Variants in KCTD16 observed in about 807,000 individuals in gnomAD.
The protein encoded by KCTD16 is potassium channel tetramerization domain containing 16.
Under a neutral mutation model 33.2 loss-of-function variants are expected in KCTD16, and 13 were observed. The observed-to-expected ratio is 0.39, with a 90% CI of 0.25 to 0.62. KCTD16 has a LOEUF of 0.62. KCTD16 is among the 20% of genes least tolerant of loss of function. The probability of loss-of-function intolerance (pLI) is 0.50; values close to 1 mark genes in which losing one functional copy is unlikely to be tolerated. For missense variants in KCTD16, 441 were observed against 525.1 expected (o/e 0.84, Z 1.57); for synonymous variants, 197 against 195.3 (o/e 1.01, Z -0.07).
intron 1 of KCTD16, among the ~76,000 whole-genome samples, chr5:144,174,045 C>A (rs909319007): frequency 6.6e-6 from 1 of 152,072 alleles, no homozygotes; most frequent in Non-Finnish European, 1.5e-5. Context: ...AAGCCTCACC[C>A]TAGGTCAAGA....
chr5:144,302,279 T>A (rs1751462531), intron 3 of KCTD16, among the ~76,000 whole-genome samples: 1 of 152,012 alleles, frequency 6.6e-6, no homozygotes, highest in African/African-American at 2.4e-5. Context: ...TCTGGGCAGG[T>A]GTCAGGGAGA....
chr5:144,360,381 G>A (rs1310152688), intron 3 of KCTD16, among the ~76,000 whole-genome samples: 5 of 151,722 alleles, frequency 3.3e-5, no homozygotes, highest in African/African-American at 9.7e-5. Context: ...TTAGTTTGCT[G>A]AGAATGATGG....
intron 3 of KCTD16, among the ~76,000 whole-genome samples, chr5:144,320,270 A>G (rs1156326169): frequency 6.6e-6 from 1 of 152,184 alleles, no homozygotes; most frequent in African/African-American, 2.4e-5. Context: ...GAGGGCTAAA[A>G]AGGAAAAAGG....
At chr5:144,177,619 G>A (rs1330588472) in intron 2 of KCTD16, among the ~76,000 whole-genome samples, 2 of 152,196 alleles carry the variant, frequency 1.3e-5, no homozygotes, top group African/African-American at 2.4e-5. Context: ...CATGGTCTTC[G>A]CATAGTCTTC....
intron 3 of KCTD16, among the ~76,000 whole-genome samples, chr5:144,409,408 T>G (rs983679744): frequency 3.3e-5 from 5 of 152,106 alleles, no homozygotes; most frequent in African/African-American, 1.2e-4. Context: ...ACTGAACCTT[T>G]GACATAATTC....
intron 3 of KCTD16, among the ~76,000 whole-genome samples, chr5:144,243,259 T>C (rs1754452591): frequency 6.6e-6 from 1 of 152,234 alleles, no homozygotes; most frequent in South Asian, 2.1e-4. Flanking sequence ...AGATAGTGGC[T>C]GTCATGTTTC....
At chr5:144,238,208 A>G (rs1020605208) in intron 3 of KCTD16, among the ~76,000 whole-genome samples, 4 of 152,172 alleles carry the variant, frequency 2.6e-5, no homozygotes, top group African/African-American at 9.6e-5. Flanking sequence ...GCAAATATCA[A>G]CATGTTGACT....
chr5:144,373,034 T>C (rs1294757672), intron 3 of KCTD16, among the ~76,000 whole-genome samples: 3 of 152,060 alleles, frequency 2.0e-5, no homozygotes, highest in Non-Finnish European at 1.5e-5. Context: ...TTAAGAAAAA[T>C]TGAAGACAGA....
chr5:144,324,504 G>A (rs1317305232), intron 3 of KCTD16, among the ~76,000 whole-genome samples: 4 of 152,098 alleles, frequency 2.6e-5, no homozygotes, highest in Non-Finnish European at 5.9e-5. Context: ...CAACCATTGT[G>A]GAAGGCAGTG....
chr5:144,385,311 G>T (rs560150295), intron 3 of KCTD16: 106 of 152,200 alleles, frequency 7.0e-4, no homozygotes, highest in African/African-American at 2.5e-3. Flanking sequence ...ACAAATCATT[G>T]ATAATAAAAA....
chr5:144,246,381 G>A (rs1192155859), intron 3 of KCTD16, among the ~76,000 whole-genome samples: 1 of 152,142 alleles, frequency 6.6e-6, no homozygotes, highest in Non-Finnish European at 1.5e-5. Flanking sequence ...ATACAAATAA[G>A]GGAAATCTGG....
intron 3 of KCTD16, among the ~76,000 whole-genome samples, chr5:144,229,000 T>C (rs917361826): frequency 6.6e-6 from 1 of 152,156 alleles, no homozygotes; most frequent in African/African-American, 2.4e-5. Context: ...GTGAATAAAC[T>C]AGGGAAATGT....
At chr5:144,291,533 A>G (rs535549119) in intron 3 of KCTD16, among the ~76,000 whole-genome samples, 1 of 152,326 alleles carries the variant, frequency 6.6e-6, no homozygotes, top group African/African-American at 2.4e-5. Context: ...GACAGGCTGT[A>G]TATCTTTAAT....
intron 3 of KCTD16, among the ~76,000 whole-genome samples, chr5:144,383,883 C>T (rs73795524): frequency 2.0e-5 from 3 of 151,928 alleles, no homozygotes; most frequent in South Asian, 2.1e-4. Context: ...TGAAACACTT[C>T]GTTAAAAACC....
At chr5:144,226,603 C>T (rs1423650303) in intron 3 of KCTD16, among the ~76,000 whole-genome samples, 1 of 150,206 alleles carries the variant, frequency 6.7e-6, no homozygotes, top group Non-Finnish European at 1.5e-5. Context: ...GACAGGGTCT[C>T]AGTCTATTAC....
At chr5:144,451,067 T>C (rs1259802697) in intron 3 of KCTD16, among the ~76,000 whole-genome samples, 1 of 152,150 alleles carries the variant, frequency 6.6e-6, no homozygotes, top group African/African-American at 2.4e-5. Flanking sequence ...ATACGTTAAA[T>C]ATGCACAGCT....
intron 3 of KCTD16, among the ~76,000 whole-genome samples, chr5:144,261,181 AAAAG>A (rs1755000834): frequency 6.6e-6 from 1 of 150,824 alleles, no homozygotes; most frequent in South Asian, 2.1e-4. Flanking sequence ...AAAAAAAAAA[AAAAG>A]AAAAAAAAAA....
At chr5:144,424,129 A>G (rs1337664642) in intron 3 of KCTD16, among the ~76,000 whole-genome samples, 6 of 152,170 alleles carry the variant, frequency 3.9e-5, no homozygotes, top group Non-Finnish European at 8.8e-5. Flanking sequence ...AGGACTCTCT[A>G]CCACATCAAG....
chr5:144,417,686 TG>T (rs1456920702), intron 3 of KCTD16, among the ~76,000 whole-genome samples: 1 of 152,196 alleles, frequency 6.6e-6, no homozygotes, highest in Admixed American at 6.5e-5. Flanking sequence ...CCCAAGGTCA[TG>T]GAGATTTAGT....
Sources: gnomAD v4.1 joint callset for allele counts (sites outside exome capture counted in the v4.1 genomes callset) on GRCh38, gnomAD v4.1.1 for gene constraint, MANE v1.5 for transcripts, NCBI Gene and HGNC (gene_info 2026-07-23, HGNC 2026-07-21) for gene names.